Variants in BLTP3B observed in about 807,000 individuals in gnomAD.
The protein encoded by BLTP3B is UHRF1 (ICBP90) binding protein 1-like.
the BLTP3B span, among the ~76,000 whole-genome samples, chr12:100,132,121 T>C: frequency 2.0e-5 from 3 of 152,186 alleles, no homozygotes; most frequent in Admixed American, 6.5e-5. Flanking sequence ...TTATTTGTCC[T>C]AAGCATACAA....
At chr12:100,130,949 C>CAT in the BLTP3B span, among the ~76,000 whole-genome samples, 6,379 of 97,546 alleles carry the variant, frequency 0.065, 246 homozygotes, top group Non-Finnish European at 0.079. Context: ...TACATACATA[C>CAT]ATATATATAT....
chr12:100,139,995 T>C, the BLTP3B span, among the ~76,000 whole-genome samples: 2 of 152,318 alleles, frequency 1.3e-5, no homozygotes, highest in Non-Finnish European at 2.9e-5. Context: ...GAAACTAGTA[T>C]GTTCAACTAT....
chr12:100,071,508 A>G, the BLTP3B span, among the ~76,000 whole-genome samples: 2 of 147,526 alleles, frequency 1.4e-5, no homozygotes, highest in Non-Finnish European at 3.1e-5. Flanking sequence ...AAAAAAAAAA[A>G]AAAAAAAAAA....
chr12:100,132,742 T>A, the BLTP3B span, among the ~76,000 whole-genome samples: 1 of 128,814 alleles, frequency 7.8e-6, no homozygotes, highest in Non-Finnish European at 1.5e-5. Context: ...AGGCCAGGAG[T>A]CTTGAGACCA....
chr12:100,142,751 C>T, the BLTP3B span: 1 of 1,463,042 alleles, frequency 6.8e-7, no homozygotes, highest in Non-Finnish European at 9.1e-7. Flanking sequence ...TGATCGCTCA[C>T]GACCGGGAGA....
chr12:100,052,758 C>T, the BLTP3B span, among the ~76,000 whole-genome samples: 1 of 147,520 alleles, frequency 6.8e-6, no homozygotes, highest in African/African-American at 2.5e-5. Flanking sequence ...ACAACATGAT[C>T]AAATCTATGT....
chr12:100,142,061 G>T, the BLTP3B span, among the ~76,000 whole-genome samples: 1 of 152,172 alleles, frequency 6.6e-6, no homozygotes, highest in African/African-American at 2.4e-5. Flanking sequence ...TGATGCCACA[G>T]AGCGGGAACG....
the BLTP3B span, among the ~76,000 whole-genome samples, chr12:100,120,656 G>A: frequency 6.6e-6 from 1 of 152,082 alleles, no homozygotes; most frequent in African/African-American, 2.4e-5. Flanking sequence ...AAACCACTTT[G>A]GAAAGCTGTT....
At chr12:100,047,661 T>G in the BLTP3B span, 1 of 1,472,684 alleles carries the variant, frequency 6.8e-7, no homozygotes. Flanking sequence ...AAAATAACAT[T>G]GACATGTTAC....
the BLTP3B span, among the ~76,000 whole-genome samples, chr12:100,045,504 C>A: frequency 1.3e-5 from 2 of 151,702 alleles, no homozygotes; most frequent in African/African-American, 2.4e-5. Context: ...ATAAATGGTG[C>A]TGGGAAAACT....
chr12:100,140,805 T>C, the BLTP3B span, among the ~76,000 whole-genome samples: 2 of 148,116 alleles, frequency 1.4e-5, no homozygotes, highest in African/African-American at 5.0e-5. Context: ...ATATGGGTGT[T>C]TTCTATCTCA....
chr12:100,063,493 G>A, the BLTP3B span, among the ~76,000 whole-genome samples: 1 of 152,130 alleles, frequency 6.6e-6, no homozygotes, highest in Non-Finnish European at 1.5e-5. Flanking sequence ...GATCACCTGA[G>A]GTCGGGAGTT....
chr12:100,132,434 G>T, the BLTP3B span, among the ~76,000 whole-genome samples: 1 of 152,106 alleles, frequency 6.6e-6, no homozygotes, highest in Non-Finnish European at 1.5e-5. Flanking sequence ...TCTTGCAGTA[G>T]TAAGTTCTCA....
chr12:100,131,963 G>A, the BLTP3B span, among the ~76,000 whole-genome samples: 1 of 152,058 alleles, frequency 6.6e-6, no homozygotes, highest in African/African-American at 2.4e-5. Context: ...CTAATTTTTT[G>A]TATTTTTAAG....
At chr12:100,116,750 A>C in the BLTP3B span, among the ~76,000 whole-genome samples, 1 of 152,194 alleles carries the variant, frequency 6.6e-6, no homozygotes, top group South Asian at 2.1e-4. Flanking sequence ...CCAACACAAT[A>C]AGGTAAGAAA....
the BLTP3B span, chr12:100,128,708 C>T: frequency 3.9e-6 from 5 of 1,288,210 alleles, no homozygotes; most frequent in Middle Eastern, 8.5e-4. Flanking sequence ...CAATCTCCAC[C>T]ACAGCCAGCA....
At chr12:100,082,560 A>C in the BLTP3B span, among the ~76,000 whole-genome samples, 5 of 152,152 alleles carry the variant, frequency 3.3e-5, no homozygotes, top group African/African-American at 1.2e-4. Flanking sequence ...TCTTGAGTTA[A>C]TTTTTGTGTG....
At chr12:100,059,314 G>A in the BLTP3B span, 6 of 1,614,014 alleles carry the variant, frequency 3.7e-6, no homozygotes, top group East Asian at 2.2e-5. Context: ...TGGAAAATTG[G>A]ATGTAGAAGA....
At chr12:100,140,778 A>T in the BLTP3B span, among the ~76,000 whole-genome samples, 1 of 144,086 alleles carries the variant, frequency 6.9e-6, no homozygotes, top group South Asian at 2.2e-4. Context: ...ACTAGCCCTA[A>T]AGACTCAATT....
Sources: allele counts gnomAD v4.1 joint callset (sites outside exome capture counted in the v4.1 genomes callset), GRCh38; gene constraint gnomAD v4.1.1; transcripts MANE v1.5; gene names NCBI Gene and HGNC (gene_info 2026-07-23, HGNC 2026-07-21).